DCDC1: variants seen among roughly 807,000 people sequenced by gnomAD.
DCDC1 encodes doublecortin domain-containing protein 1.
Under a neutral mutation model 178.3 loss-of-function variants are expected in DCDC1, and 200 were observed. The observed-to-expected ratio is 1.12, with a 90% CI of 1.00 to 1.26. The LOEUF (loss-of-function observed/expected upper bound fraction) is 1.26. DCDC1 is among the 50% of genes most tolerant of loss of function. The probability of loss-of-function intolerance (pLI) is 0.00; values close to 1 mark genes in which losing one functional copy is unlikely to be tolerated. For missense variants in DCDC1, 1,983 were observed against 1,749.2 expected, an observed-to-expected ratio of 1.13 and a Z score of -2.38; for synonymous variants, 690 against 604.8, an observed-to-expected ratio of 1.14 and a Z score of -2.07.
At chr11:30,999,445 T>C (rs1040932875) in intron 20 of DCDC1, among the ~76,000 whole-genome samples, 1 of 152,186 alleles carries the variant, frequency 6.6e-6, no homozygotes, top group East Asian at 1.9e-4. Context: ...AGTAAAAGCC[T>C]TATGTCGAAT....
At chr11:30,890,230 A>G (rs1261962190) in intron 36 of DCDC1, among the ~76,000 whole-genome samples, 3 of 152,252 alleles carry the variant, frequency 2.0e-5, no homozygotes, top group African/African-American at 7.2e-5. Context: ...CTGACTGAGA[A>G]AACTAATACA....
chr11:30,985,758 T>A (rs1406995934), intron 20 of DCDC1, among the ~76,000 whole-genome samples: 1 of 152,150 alleles, frequency 6.6e-6, no homozygotes, highest in Non-Finnish European at 1.5e-5. Context: ...GATTCCAAAG[T>A]CCACATCCTT....
At chr11:31,147,032 CT>C (rs1186431562) in intron 9 of DCDC1, among the ~76,000 whole-genome samples, 1 of 152,142 alleles carries the variant, frequency 6.6e-6, no homozygotes, top group African/African-American at 2.4e-5. Context: ...GAAGTCCCTT[CT>C]GCCTAAGCAC....
intron 9 of DCDC1, among the ~76,000 whole-genome samples, chr11:31,140,862 T>G (rs561140229): frequency 1.3e-5 from 2 of 152,320 alleles, no homozygotes; most frequent in East Asian, 3.9e-4. Flanking sequence ...TTAAAACTAT[T>G]AATACTAAGG....
chr11:30,904,977 G>A lies in DCDC1; in HGVS notation c.4292C>T (p.Ala1431Val), dbSNP rs760036279. The change falls in exon 31 of 39, where the codon GCT (alanine) becomes GTT (valine). Residue 1431 changes from alanine to valine, a missense_variant. Transcript: ENST00000684477. ...GCCACTTACCATGGGGAATGTTCCA[G>A]CCACAATTAACTTCCCATTACGATA... ...DGYRNGKLIVAGTFPMLLTEC... is the reference protein window; with the variant it reads ...DGYRNGKLIVVGTFPMLLTEC... The A allele has an allele frequency of 2.5e-6, 4 of 1,613,752 alleles. No individual in the cohort carries two copies. The Admixed American group carries it at 5.0e-5, about 20-fold the overall frequency.
Position 30,991,837 on chromosome 11 carries a change from CAA to C in DCDC1, c.2592-39271_2592-39270del, listed in dbSNP as rs757360899. ...AGATAAACACTGGGAACATATAAGA[CAA>C]AGAGAAAACAGCTTTCATAATATTT... On this transcript the variant is annotated intron_variant, in intron 20 of 38. Coordinates refer to ENST00000684477, the MANE Select transcript of DCDC1 (RefSeq NM_001387274.1). Among the ~76,000 whole-genome samples the C allele has an allele frequency of 1.2e-4, 18 of 152,120 alleles. No homozygotes were observed. The East Asian group carries it at 3.1e-3, about 26-fold the overall frequency.
At chr11:31,343,324 G>C (rs1008061857) in intron 1 of DCDC1, among the ~76,000 whole-genome samples, 7 of 151,814 alleles carry the variant, frequency 4.6e-5, no homozygotes, top group Middle Eastern at 3.4e-3. Context: ...TCTTTTTTTT[G>C]AGATGGAGTT....
intron 20 of DCDC1, among the ~76,000 whole-genome samples, chr11:31,000,369 G>A (rs1414716069): frequency 6.6e-6 from 1 of 152,000 alleles, no homozygotes; most frequent in Non-Finnish European, 1.5e-5. Flanking sequence ...TCCACAATAC[G>A]GTCTTAGAGG....
intron 7 of DCDC1, among the ~76,000 whole-genome samples, chr11:31,268,948 C>T (rs542706644): frequency 6.6e-6 from 1 of 152,298 alleles, no homozygotes; most frequent in South Asian, 2.1e-4. Flanking sequence ...AAAGATTCCC[C>T]TTTTCATTGA....
chr11:31,005,760 T>C (rs918921470), intron 20 of DCDC1, among the ~76,000 whole-genome samples: 3 of 152,014 alleles, frequency 2.0e-5, no homozygotes, highest in African/African-American at 4.8e-5. Context: ...CTCACTGAAA[T>C]CATGGCTCCT....
chr11:31,340,887 T>C (rs575750822), intron 1 of DCDC1, among the ~76,000 whole-genome samples: 7 of 152,018 alleles, frequency 4.6e-5, no homozygotes, highest in Non-Finnish European at 7.4e-5. Context: ...GATTACAGAA[T>C]GAGTAGATAG....
At chr11:31,104,103 T>A (rs1446021711) in intron 13 of DCDC1, among the ~76,000 whole-genome samples, 1 of 152,170 alleles carries the variant, frequency 6.6e-6, no homozygotes, top group Non-Finnish European at 1.5e-5. Flanking sequence ...ATCCAATACA[T>A]CTATAGTAAT....
At chr11:30,993,792 C>T (rs1453295934) in intron 20 of DCDC1, among the ~76,000 whole-genome samples, 1 of 152,050 alleles carries the variant, frequency 6.6e-6, no homozygotes. Context: ...GTATTCAAGA[C>T]GTTACATTTG....
intron 38 of DCDC1, among the ~76,000 whole-genome samples, chr11:30,866,167 G>A (rs1450310265): frequency 6.6e-6 from 1 of 152,178 alleles, no homozygotes; most frequent in African/African-American, 2.4e-5. Flanking sequence ...AGGGATTGAG[G>A]TGATGCTTCT....
chr11:31,271,355 T>C (rs1440264099), intron 7 of DCDC1, among the ~76,000 whole-genome samples: 1 of 152,212 alleles, frequency 6.6e-6, no homozygotes, highest in Admixed American at 6.5e-5. Context: ...CTCATGTATA[T>C]TCATCTACTG....
chr11:31,230,299 T>C (rs537758245), intron 9 of DCDC1, among the ~76,000 whole-genome samples: 14 of 151,634 alleles, frequency 9.2e-5, no homozygotes, highest in Non-Finnish European at 1.5e-4. Context: ...AATGGGTGAA[T>C]GTAATGCTGT....
chr11:31,357,673 G>A (rs1017611201), intron 1 of DCDC1, among the ~76,000 whole-genome samples: 81 of 152,198 alleles, frequency 5.3e-4, no homozygotes, highest in African/African-American at 1.9e-3. Flanking sequence ...TGACATGATT[G>A]TATATCTAGA....
At position 30,877,324 on chromosome 11, in the gene DCDC1, T is replaced by C. The variant is rs1196018731; in HGVS notation, c.*40+1220A>G. 2.0e-5 allele frequency among the ~76,000 whole-genome samples: 3 copies of C among 152,152 alleles called. No individual in the cohort carries two copies. The East Asian group carries it at 5.8e-4, about 29-fold the overall frequency. ...CTAGCCAGAGTACAATTTATATTCA[T>C]ACAGAGTTGTGAGTGGTTTTCAGAG... On this transcript the variant is annotated intron_variant, in intron 38 of 38. Coordinates refer to ENST00000684477, the MANE Select transcript of DCDC1 (RefSeq NM_001387274.1).
At chr11:30,959,160 C>G (rs1190278618) in intron 20 of DCDC1, among the ~76,000 whole-genome samples, 1 of 152,246 alleles carries the variant, frequency 6.6e-6, no homozygotes, top group African/African-American at 2.4e-5. Context: ...AAGGTTGAGG[C>G]TTGATTTGCA....
Sources: gnomAD v4.1 joint callset for allele counts (sites outside exome capture counted in the v4.1 genomes callset) on GRCh38, gnomAD v4.1.1 for gene constraint, MANE v1.5 for transcripts, NCBI Gene and HGNC (gene_info 2026-07-23, HGNC 2026-07-21) for gene names.